Variants in HS1BP3 observed in about 807,000 individuals in gnomAD.
HS1BP3 encodes HCLS1-binding protein 3.
Under a neutral mutation model 33.5 loss-of-function variants are expected in HS1BP3, and 32 were observed. That is an observed-to-expected ratio of 0.95 (90% CI 0.72 to 1.28). The LOEUF (loss-of-function observed/expected upper bound fraction) is 1.28, where lower values mean the gene tolerates loss of function less well. Ranked by LOEUF, HS1BP3 falls within the 50% of genes most tolerant of loss-of-function variation. The pLI is 0.00. For missense variants in HS1BP3, 486 were observed against 502.3 expected, an observed-to-expected ratio of 0.97 and a Z score of 0.31; for synonymous variants, 187 against 209.2, an observed-to-expected ratio of 0.89 and a Z score of 0.92.
chr2:20,626,324 G>A (rs1276840459), intron 4 of HS1BP3, among the ~76,000 whole-genome samples: 1 of 152,280 alleles, frequency 6.6e-6, no homozygotes, highest in Non-Finnish European at 1.5e-5. Context: ...CTGCTGGAAG[G>A]CTGCAGGACA....
chr2:20,570,907 G>A (rs1015462427), intron 5 of HS1BP3, among the ~76,000 whole-genome samples: 4 of 152,166 alleles, frequency 2.6e-5, no homozygotes, highest in African/African-American at 9.7e-5. Flanking sequence ...CCCTGGGCAG[G>A]GTCATGGAAG....
At chr2:20,561,560 TAC>T (rs879410398) in intron 5 of HS1BP3, among the ~76,000 whole-genome samples, 6 of 151,866 alleles carry the variant, frequency 4.0e-5, no homozygotes, top group Admixed American at 3.3e-4. Context: ...TGCACACACA[TAC>T]ACACACACCC....
At chr2:20,617,054 C>A (rs1353928985), downstream of HS1BP3, among the ~76,000 whole-genome samples, 3 of 152,160 alleles carry the variant, frequency 2.0e-5, no homozygotes, top group Admixed American at 2.0e-4. Flanking sequence ...AGCAGAGCAC[C>A]AGCCCCTGTG....
chr2:20,563,014 T>A (rs1223619920), intron 5 of HS1BP3, among the ~76,000 whole-genome samples: 1 of 152,200 alleles, frequency 6.6e-6, no homozygotes, highest in African/African-American at 2.4e-5. Flanking sequence ...CCAAAGATGC[T>A]GATCTTCGTC....
chr2:20,593,513 C>G (rs1292680574), intron 3 of HS1BP3, among the ~76,000 whole-genome samples: 1 of 152,188 alleles, frequency 6.6e-6, no homozygotes. Flanking sequence ...CCTTTGTAGA[C>G]ACCCCCAGAA....
At chr2:20,566,600 G>GT (rs796882255) in intron 5 of HS1BP3, among the ~76,000 whole-genome samples, 2,712 of 145,738 alleles carry the variant, frequency 0.019, 57 homozygotes, top group African/African-American at 0.055. Context: ...TTTGTCACAG[G>GT]TTTTTTTTTT....
intron 5 of HS1BP3, among the ~76,000 whole-genome samples, chr2:20,562,885 A>G (rs1039429690): frequency 6.6e-6 from 1 of 152,162 alleles, no homozygotes; most frequent in Non-Finnish European, 1.5e-5. Context: ...GGTTTTCTCT[A>G]TCCCTAATAC....
At chr2:20,622,086 C>T (rs1456224320) in intron 6 of HS1BP3, 18 of 804,038 alleles carry the variant, frequency 2.2e-5, no homozygotes, top group African/African-American at 6.2e-5. Context: ...AGGAACAAAG[C>T]CTTCTTAGCC....
chr2:20,631,536 A>T (rs1349729057), intron 4 of HS1BP3, among the ~76,000 whole-genome samples: 6 of 146,488 alleles, frequency 4.1e-5, no homozygotes, highest in Non-Finnish European at 1.5e-5. Flanking sequence ...AAAAAAAAAA[A>T]AAAAAAAAAA....
intron 5 of HS1BP3, among the ~76,000 whole-genome samples, chr2:20,564,642 C>G (rs953222390): frequency 6.6e-6 from 1 of 152,086 alleles, no homozygotes; most frequent in Non-Finnish European, 1.5e-5. Flanking sequence ...TACCACCATG[C>G]CTGGGTAAGT....
At chr2:20,645,614 CTCTG>C in intron 1 of HS1BP3, 109 bp from the exon 2 acceptor site, 2 of 1,092,146 alleles carry the variant, frequency 1.8e-6, no homozygotes, top group Non-Finnish European at 1.3e-6. Flanking sequence ...TGCCAGGTGA[CTCTG>C]CTGGCTGTCC....
intron 5 of HS1BP3, among the ~76,000 whole-genome samples, chr2:20,575,690 G>A (rs73919910): frequency 9.9e-5 from 15 of 152,084 alleles, no homozygotes; most frequent in Non-Finnish European, 2.1e-4. Context: ...CCTTATCCAC[G>A]GGCCTGGCCC....
At chr2:20,555,243 G>A in the HS1BP3 span, among the ~76,000 whole-genome samples, 5 of 152,212 alleles carry the variant, frequency 3.3e-5, no homozygotes, top group Non-Finnish European at 7.3e-5. Context: ...TCTGTTGAGT[G>A]AGCCCAAGGT....
At chr2:20,610,506 G>T (rs6711343) in intron 2 of HS1BP3, among the ~76,000 whole-genome samples, 152,223 of 152,334 alleles carry the variant, frequency 1, 76,056 homozygotes, top group Non-Finnish European at 1. Context: ...CTTAGTAATA[G>T]GCATTTAAGT....
At chr2:20,614,926 C>T (rs1694391917), downstream of HS1BP3, among the ~76,000 whole-genome samples, 1 of 152,226 alleles carries the variant, frequency 6.6e-6, no homozygotes, top group African/African-American at 2.4e-5. Flanking sequence ...GAGAGGCCAG[C>T]CACAGAGGAG....
chr2:20,639,437 G>A (rs1695269539), intron 3 of HS1BP3, among the ~76,000 whole-genome samples: 1 of 152,254 alleles, frequency 6.6e-6, no homozygotes, highest in Non-Finnish European at 1.5e-5. Context: ...CAGATAGTTT[G>A]AGAAGCGTGG....
At position 20,609,999 on chromosome 2, in the gene HS1BP3, G is replaced by C. The variant is rs537880968; in HGVS notation, c.179-11734C>G. The stretch of plus-strand genomic sequence containing the variant: ...GGATACCAGGTATCTTGGGGCAGCA[G>C]GCATCTTCTACTTCATGAGCTTCCT... On this transcript the variant is annotated intron_variant, in intron 2 of 3. Coordinates refer to the HS1BP3 transcript ENST00000415264. Among the ~76,000 whole-genome samples the C allele has an allele frequency of 3.3e-4, 50 of 152,276 alleles. 1 individual carries two copies. Among genetic ancestry groups the C allele is most frequent in the Non-Finnish European group, 6.0e-4 (41 of 68,020 alleles).
intron 2 of HS1BP3, among the ~76,000 whole-genome samples, chr2:20,643,189 C>G (rs773349278): frequency 6.6e-6 from 1 of 152,204 alleles, no homozygotes; most frequent in Non-Finnish European, 1.5e-5. Flanking sequence ...AGCCCCTGCA[C>G]GCACACACTC....
At chr2:20,578,278 G>T (rs1002074510) in intron 5 of HS1BP3, among the ~76,000 whole-genome samples, 19 of 152,324 alleles carry the variant, frequency 1.2e-4, no homozygotes, top group African/African-American at 4.1e-4. Flanking sequence ...TCAGAGGCGG[G>T]ATGGGATGCA....
Sources: allele counts gnomAD v4.1 joint callset (sites outside exome capture counted in the v4.1 genomes callset), GRCh38; gene constraint gnomAD v4.1.1; transcripts MANE v1.5; gene names NCBI Gene and HGNC (gene_info 2026-07-23, HGNC 2026-07-21).